FBXL6: variants seen among roughly 807,000 people sequenced by gnomAD.
FBXL6 encodes F-box/LRR-repeat protein 6.
A neutral mutation model predicts 53.3 loss-of-function variants in FBXL6; 50 were observed. The observed-to-expected ratio is 0.94, with a 90% CI of 0.75 to 1.19. FBXL6 has a LOEUF of 1.19. FBXL6 is among the 50% of genes most tolerant of loss of function. The pLI is 0.00. For missense variants in FBXL6, 815 were observed against 719.0 expected, an observed-to-expected ratio of 1.13 and a Z score of -1.53; for synonymous variants, 405 against 322.9, an observed-to-expected ratio of 1.25 and a Z score of -2.73.
chr8:144,357,973 C>A, intron 1 of FBXL6, 59 bp downstream of exon 1: 1 of 1,520,652 alleles, frequency 6.6e-7, no homozygotes, highest in South Asian at 1.2e-5. Context: ...CGGGCCACCG[C>A]TCGGACCACG....
rs1554852825 is a variant in FBXL6 at position 144,356,495 on chromosome 8, G to C, written c.1030C>G (p.Pro344Ala). Residue 344 changes from proline (P) to alanine (A), a missense_variant, in exon 7 of 9, where the codon CCT becomes GCT. By Grantham distance (27) the Pro-to-Ala change is conservative. Coordinates refer to ENST00000331890, the MANE Select transcript of FBXL6 (RefSeq NM_012162.4). ...CCGGGAGCCACCCCTCGTCCCGGAG[G>C]CTTGGGCAGCCACATCAGGTTCAAC... ...RLLNLMWLPK[P>A]PGRGVAPGPG... 2 of 1,612,952 alleles carry C rather than the reference G, an allele frequency of 1.2e-6. No individual in the cohort carries two copies. The highest frequency in any genetic ancestry group is 2.2e-5 in the East Asian group (1 of 44,884).
At position 144,357,758 on chromosome 8, in the gene FBXL6, C is replaced by T. The variant is rs1554853243; in HGVS notation, c.445G>A (p.Glu149Lys). ...RAARVCRRWQ[E>K]AASQPALWHT... is the part of the protein sequence containing the mutation. ...CAGAGCGCGGGTTGGGAAGCGGCCT[C>T]CTGCCAGCGGCGGCACACGCGCGCA... Residue 149 changes from glutamate (E) to lysine (K), a missense_variant, in exon 2 of 9, where the codon GAG becomes AAG. Coordinates refer to ENST00000331890, the MANE Select transcript of FBXL6 (RefSeq NM_012162.4). 1 of 1,593,662 alleles carries T rather than the reference C, an allele frequency of 6.3e-7. No homozygotes were observed. Among genetic ancestry groups the T allele is most frequent in the Non-Finnish European group, 8.5e-7 (1 of 1,172,442 alleles).
In FBXL6 at chr8:144,356,012, G is replaced by A. The variant is rs953260847; in HGVS notation, c.1428C>T (p.Cys476=). Residue 476 remains cysteine, a synonymous_variant, in exon 8 of 9, where the codon TGC becomes TGT. Coordinates refer to ENST00000331890, the MANE Select transcript of FBXL6 (RefSeq NM_012162.4). ...CCCGGGTGCCCCTGAGGTTAAGAGA[G>A]CACAGGGCTGGGTGTGAGCCCCCAG... ...STPGGSHPAL[C]SLNLRGTRVT... is the part of the protein sequence containing the mutation. 1.9e-6 allele frequency: 3 copies of A among 1,613,138 alleles called. No individual in the cohort carries two copies. Among genetic ancestry groups the A allele is most frequent in the African/African-American group, 1.3e-5 (1 of 75,060 alleles).
At position 144,356,388 on chromosome 8, in the gene FBXL6, T is replaced by G; in HGVS notation, c.1137A>C (p.Leu379=). The change falls in exon 7 of 9, where the codon CTA becomes CTC. Residue 379 remains leucine, a synonymous_variant. Transcript: ENST00000331890. ...AGCGCAGGTTGGGAGAGCCGTGGAG[T>G]AGGCGGCCCAGGACCTCGTTGCTCA... ...NFVSNEVLGR[L]LHGSPNLRLL... The G allele has an allele frequency of 1.4e-6, 2 of 1,444,236 alleles. No homozygotes were observed. The highest frequency in any genetic ancestry group is 1.8e-6 in the Non-Finnish European group (2 of 1,096,840). 89.5% of individuals were successfully genotyped at this position (1,444,236 alleles called of 1,614,324 possible). A position where few individuals can be genotyped will look rare whatever the true frequency, so the allele number is the denominator to read the frequency against.
Position 144,358,100 on chromosome 8 carries a change from G to A in FBXL6, c.348C>T (p.Pro116=), listed in dbSNP as rs1554853367. Residue 116 remains proline (P), a synonymous_variant, in exon 1 of 9, where the codon CCC becomes CCT. Coordinates refer to ENST00000331890, the MANE Select transcript of FBXL6 (RefSeq NM_012162.4). ...GPDAGWGDRI[P]LEILVQIFGL... is the part of the protein sequence containing the mutation. ...CGAAAATCTGCACCAGGATTTCCAA[G>A]GGAATGCGGTCTCCCCAGCCCGCGT... 8 of 1,597,288 alleles carry A rather than the reference G, an allele frequency of 5.0e-6. No individual in the cohort carries two copies. The highest frequency in any genetic ancestry group is 2.2e-5 in the South Asian group (2 of 90,638).
Position 144,357,163 on chromosome 8 carries a change from G to A in FBXL6, c.640-42C>T, listed in dbSNP as rs541464341. 3.9e-5 allele frequency: 63 copies of A among 1,610,816 alleles called. No homozygotes were observed. In the East Asian group the frequency reaches 7.8e-4, roughly 20 times the overall value. ...GGGCAGCTGGGGTTGGGAGACGACA[G>A]GCTAAGATCCACAAGGGAAACAGAC... On this transcript the variant is annotated intron_variant, in intron 3 of 8. Transcript: ENST00000331890.
Position 144,356,402 on chromosome 8 carries a change from C to G in FBXL6, c.1123G>C (p.Val375Leu). The change falls in exon 7 of 9, where the codon GTC becomes CTC. Residue 375 changes from valine to leucine, a missense_variant. Val to Leu is a conservative substitution (Grantham distance 32, BLOSUM62 1). Transcript: ENST00000331890. ...GAGCCGTGGAGTAGGCGGCCCAGGA[C>G]CTCGTTGCTCACAAAGTTGCAGGTT... ...SSTCNFVSNE[V>L]LGRLLHGSPN... The G allele has an allele frequency of 6.2e-7, 1 of 1,612,342 alleles. No homozygotes were observed. Among genetic ancestry groups the G allele is most frequent in the African/African-American group, 1.3e-5 (1 of 74,432 alleles).
chr8:144,357,376 C>T lies in FBXL6; in HGVS notation c.639+63G>A, dbSNP rs1818504207. 28 of 1,531,080 alleles carry T rather than the reference C, an allele frequency of 1.8e-5. No homozygotes were observed. In the South Asian group the frequency reaches 3.1e-4, roughly 17 times the overall value. 94.8% of individuals were successfully genotyped at this position (1,531,080 alleles called of 1,614,324 possible). ...GGCCCCCAAGGTGCCTGACCCACTTCCTAGAGTACTGAACAGTCCCAGAGT... is the reference window on the plus strand; with the variant it reads ...GGCCCCCAAGGTGCCTGACCCACTTTCTAGAGTACTGAACAGTCCCAGAGT... On this transcript the variant is annotated intron_variant, in intron 3 of 8. Coordinates refer to ENST00000331890, the MANE Select transcript of FBXL6 (RefSeq NM_012162.4).
rs782264436 is a variant in FBXL6, at chr8:144,357,613, G to A, written c.575+15C>T. On this transcript the variant is annotated intron_variant, in intron 2 of 8. Coordinates refer to ENST00000331890, the MANE Select transcript of FBXL6 (RefSeq NM_012162.4). ...AGCCTGGAGCCAGGGGTAAGGAAGA[G>A]AGGGAACCCCTCACCGATTGGGCAT... 3.7e-6 allele frequency: 6 copies of A among 1,605,478 alleles called. No homozygotes were observed. The African/African-American group carries it at 5.3e-5, about 14-fold the overall frequency.
chr8:144,358,421 G>C lies in FBXL6; in HGVS notation c.27C>G (p.Val9=), dbSNP rs1554853494. Reference sequence around the variant, plus strand: ...GCGGCGCTGCCCGGGCTCTGCGTCGGACCTGCCGGGAGGCTGGGGCAGCCA... The same window carrying C: ...GCGGCGCTGCCCGGGCTCTGCGTCGCACCTGCCGGGAGGCTGGGGCAGCCA... MAAPASRQ[V]RRRARAAPRP... is the part of the protein sequence containing the mutation. The change falls in exon 1 of 9, where the codon GTC becomes GTG. Residue 9 remains valine, a synonymous_variant. Transcript: ENST00000331890. The C allele has an allele frequency of 8.0e-7, 1 of 1,245,030 alleles. No homozygotes were observed. Among genetic ancestry groups the C allele is most frequent in the Non-Finnish European group, 1.0e-6 (1 of 995,316 alleles). 77.1% of individuals were successfully genotyped at this position (1,245,030 alleles called of 1,614,324 possible).
chr8:144,358,153 G>C lies in FBXL6; in HGVS notation c.295C>G (p.Pro99Ala). 2.0e-6 allele frequency: 3 copies of C among 1,537,750 alleles called. No homozygotes were observed. Among genetic ancestry groups the C allele is most frequent in the Non-Finnish European group, 2.6e-6 (3 of 1,150,592 alleles). ...AAAAPAPAPA[P>A]TPTPEEGPDA... Reference sequence around the variant, plus strand: ...GGCCCTTCCTCGGGCGTGGGCGTGGGTGCCGGTGCGGGTGCGGGCGCGGCC... The same window carrying C: ...GGCCCTTCCTCGGGCGTGGGCGTGGCTGCCGGTGCGGGTGCGGGCGCGGCC... Residue 99 changes from proline to alanine, a missense_variant, in exon 1 of 9, where the codon CCC becomes GCC. Physicochemically the swap from Pro to Ala is conservative, Grantham distance 27. Transcript: ENST00000331890.
At position 144,356,233 on chromosome 8, in the gene FBXL6, G is replaced by A. The variant is rs200874360; in HGVS notation, c.1226-19C>T. The A allele has an allele frequency of 3.6e-5, 58 of 1,611,538 alleles. No individual in the cohort carries two copies. The highest frequency in any genetic ancestry group is 4.7e-5 in the Non-Finnish European group (55 of 1,179,988). ...TCCAGCTCTGCAGTGAAAGGAGTGA[G>A]CATAAGCTACAAGGTGACAAGGGCC... is the stretch of plus-strand genomic sequence containing the variant. On this transcript the variant is annotated intron_variant, in intron 7 of 8. Coordinates refer to ENST00000331890, the MANE Select transcript of FBXL6 (RefSeq NM_012162.4).
rs1554852790 is a variant in FBXL6 at position 144,356,400 on chromosome 8, G to A, written c.1125C>T (p.Val375=). ...GAGAGCCGTGGAGTAGGCGGCCCAG[G>A]ACCTCGTTGCTCACAAAGTTGCAGG... ...SSTCNFVSNE[V]LGRLLHGSPN... is the part of the protein sequence containing the mutation. Residue 375 remains valine, a synonymous_variant, in exon 7 of 9, where the codon GTC becomes GTT. Transcript: ENST00000331890. The A allele has an allele frequency of 6.3e-7, 1 of 1,580,688 alleles. No individual in the cohort carries two copies. Among genetic ancestry groups the A allele is most frequent in the Non-Finnish European group, 8.6e-7 (1 of 1,164,960 alleles).
In FBXL6 at chr8:144,356,002, G is replaced by A. The variant is rs1554852659; in HGVS notation, c.1438C>T (p.Leu480Phe). The A allele has an allele frequency of 6.2e-6, 10 of 1,613,124 alleles. No homozygotes were observed. Among genetic ancestry groups the A allele is most frequent in the Non-Finnish European group, 8.5e-6 (10 of 1,179,984 alleles). Residue 480 changes from leucine to phenylalanine, a missense_variant, in exon 8 of 9, where the codon CTC becomes TTC. By Grantham distance (22) the Leu-to-Phe change is conservative. Transcript: ENST00000331890. ...CTTGGTGTGACCCGGGTGCCCCTGAGGTTAAGAGAGCACAGGGCTGGGTGT... is the reference window on the plus strand; with the variant it reads ...CTTGGTGTGACCCGGGTGCCCCTGAAGTTAAGAGAGCACAGGGCTGGGTGT... The part of the protein sequence containing the change: ...GSHPALCSLN[L>F]RGTRVTPSTV...
In FBXL6 at chr8:144,356,868, T is replaced by G; in HGVS notation, c.819A>C (p.Arg273=). Residue 273 remains arginine, a synonymous_variant, in exon 5 of 9, where the codon CGA becomes CGC. Transcript: ENST00000331890. ...TGTAGGTCAGCCACAACTTGCGCAT[T>G]CGGGACCCTGCCTCCTCCAAGAAGC... The part of the protein sequence containing the change: ...VVSFLEEAGS[R]MRKLWLTYSS... 1.2e-6 allele frequency: 2 copies of G among 1,613,326 alleles called. No homozygotes were observed. The highest frequency in any genetic ancestry group is 1.7e-6 in the Non-Finnish European group (2 of 1,179,982).
Position 144,356,023 on chromosome 8 carries a change from G to A in FBXL6, c.1417C>T (p.Pro473Ser), listed in dbSNP as rs1818388494. 3 of 1,612,974 alleles carry A rather than the reference G, an allele frequency of 1.9e-6. No individual in the cohort carries two copies. Among genetic ancestry groups the A allele is most frequent in the South Asian group, 2.2e-5 (2 of 91,090 alleles). ...AFLSTPGGSHPALCSLNLRGT... is the reference protein window; with the variant it reads ...AFLSTPGGSHSALCSLNLRGT... ...CTGAGGTTAAGAGAGCACAGGGCTG[G>A]GTGTGAGCCCCCAGGGGTGCTTAAG... The change falls in exon 8 of 9, where the codon CCA (proline) becomes TCA (serine). Residue 473 changes from proline (P) to serine (S), a missense_variant. Physicochemically the swap from Pro to Ser is moderately conservative, Grantham distance 74 (BLOSUM62 -1). Coordinates refer to ENST00000331890, the MANE Select transcript of FBXL6 (RefSeq NM_012162.4).
At position 144,355,753 on chromosome 8, in the gene FBXL6, G is replaced by A; in HGVS notation, c.1473-75C>T. The A allele has an allele frequency of 1.9e-6, 3 of 1,569,080 alleles. No homozygotes were observed. The Admixed American group carries it at 5.4e-5, about 29-fold the overall frequency. On this transcript the variant is annotated intron_variant, in intron 8 of 8. Coordinates refer to ENST00000331890, the MANE Select transcript of FBXL6 (RefSeq NM_012162.4). ...TGGGCCAGGCTAGGGAGCTGTGCCTGCTGGTGTTCGACACCTGGCTCTGCC... is the reference window on the plus strand; with the variant it reads ...TGGGCCAGGCTAGGGAGCTGTGCCTACTGGTGTTCGACACCTGGCTCTGCC...
In FBXL6 at chr8:144,356,811, C is replaced by G; in HGVS notation, c.876G>C (p.Leu292=). The change falls in exon 5 of 9, where the codon CTG becomes CTC. Residue 292 remains leucine, a synonymous_variant. Coordinates refer to ENST00000331890, the MANE Select transcript of FBXL6 (RefSeq NM_012162.4). ...GCTCCCACCAATGCCAACTTACCAG[C>G]AGTGCGCCCAGGATGGCTGTCGTCT... ...SSQTTAILGA[L]LGSCCPQLQV... The G allele has an allele frequency of 1.2e-6, 2 of 1,613,346 alleles. No homozygotes were observed. The highest frequency in any genetic ancestry group is 2.2e-5 in the South Asian group (2 of 91,088).
Position 144,356,328 on chromosome 8 carries a change from C to T in FBXL6, c.1197G>A (p.Pro399=), listed in dbSNP as rs147089394. 135 of 1,603,500 alleles carry T rather than the reference C, an allele frequency of 8.4e-5. No individual in the cohort carries two copies. The African/African-American group carries it at 1.2e-3, about 14-fold the overall frequency. The change falls in exon 7 of 9, where the codon CCG becomes CCA. Residue 399 remains proline (P), a synonymous_variant. Coordinates refer to ENST00000331890, the MANE Select transcript of FBXL6 (RefSeq NM_012162.4). ...GACATGGCAGATCCTGAAGGCCAGC[C>T]GGCGTGATGCGCGCACAGCCACGAA... The part of the protein sequence containing the change: ...LDLRGCARIT[P]AGLQDLPCRE...
Sources: allele counts gnomAD v4.1 joint callset, GRCh38; gene constraint gnomAD v4.1.1; transcripts MANE v1.5; gene names NCBI Gene and HGNC (gene_info 2026-07-23, HGNC 2026-07-21).